PLEKHG4B: variants seen among roughly 807,000 people sequenced by gnomAD.
PLEKHG4B encodes the protein pleckstrin homology and RhoGEF domain containing G4B.
A neutral mutation model predicts 121.3 loss-of-function variants in PLEKHG4B; 111 were observed. The observed-to-expected ratio is 0.92, with a 90% CI of 0.78 to 1.07. PLEKHG4B has a LOEUF of 1.07. Ranked by LOEUF, PLEKHG4B falls within the 50% of genes least tolerant of loss-of-function variation. The pLI is 0.00. For synonymous variants in PLEKHG4B, 738 were observed against 725.0 expected (o/e 1.02, Z -0.29); for missense variants, 1,831 against 1,757.8 (o/e 1.04, Z -0.74).
At position 184,972 on chromosome 5, in the gene PLEKHG4B, G is replaced by A. The variant is rs1733572877; in HGVS notation, c.*2649G>A. The A allele has an allele frequency of 6.6e-6, 1 of 152,250 alleles. No individual in the cohort carries two copies. Among genetic ancestry groups the A allele is most frequent in the Non-Finnish European group, 1.5e-5 (1 of 68,046 alleles). The allele number at this position is 152,250 out of a possible 1,614,324, so 9.4% of individuals were successfully genotyped here. On this transcript the variant is annotated 3_prime_UTR_variant, in exon 20 of 20. Coordinates refer to ENST00000637938, the MANE Select transcript of PLEKHG4B (RefSeq NM_052909.5). Reference sequence around the variant, plus strand: ...TGTGACCACAGCAGCGTGATGGCTGGGAGACGCTGGATGTGATACGTGAAG... The same window carrying A: ...TGTGACCACAGCAGCGTGATGGCTGAGAGACGCTGGATGTGATACGTGAAG...
In PLEKHG4B at chr5:140,700, C is replaced by T. The variant is rs965219483; in HGVS notation, c.1461C>T (p.Gly487=). The change falls in exon 3 of 20, where the codon GGC becomes GGT. Residue 487 remains glycine (G), a synonymous_variant. Coordinates refer to ENST00000637938, the MANE Select transcript of PLEKHG4B (RefSeq NM_052909.5). ...ACTGTGTCCCAGTAGAGGGTCCCGG[C>T]TGCACCAAAGAGGAAGGTAAATGCT... The part of the protein sequence containing the change: ...TPNCVPVEGP[G]CTKEEDVLAS... The T allele has an allele frequency of 1.4e-5, 22 of 1,575,832 alleles. No homozygotes were observed. The highest frequency in any genetic ancestry group is 1.9e-5 in the Non-Finnish European group (22 of 1,161,414).
intron 2 of PLEKHG4B, among the ~76,000 whole-genome samples, chr5:138,459 A>G (rs992199528): frequency 7.2e-5 from 11 of 152,246 alleles, no homozygotes; most frequent in African/African-American, 2.2e-4. Flanking sequence ...GATGAAAATG[A>G]TTAGAAAAAG....
intron 2 of PLEKHG4B, among the ~76,000 whole-genome samples, chr5:117,672 G>GCAAAA (rs1223619007): frequency 6.6e-6 from 1 of 152,124 alleles, no homozygotes; most frequent in Non-Finnish European, 1.5e-5. Context: ...GGCCAACATG[G>GCAAAA]CAAAACCCCA....
At chr5:160,257 G>T (rs929537708) in intron 11 of PLEKHG4B, among the ~76,000 whole-genome samples, 12 of 152,220 alleles carry the variant, frequency 7.9e-5, no homozygotes, top group African/African-American at 2.9e-4. Context: ...TGAAGGCCCT[G>T]GGCTCCTCCC....
At position 163,042 on chromosome 5, in the gene PLEKHG4B, A is replaced by C; in HGVS notation, c.2970A>C (p.Pro990=). 6.4e-7 allele frequency: 1 copy of C among 1,560,564 alleles called. No individual in the cohort carries two copies. The highest frequency in any genetic ancestry group is 1.2e-5 in the South Asian group (1 of 85,134). The change falls in exon 13 of 20, where the codon CCA becomes CCC. Residue 990 remains proline, a synonymous_variant. Coordinates refer to ENST00000637938, the MANE Select transcript of PLEKHG4B (RefSeq NM_052909.5). ...AGGCCATGAGGAGGCACCAGAAGCC[A>C]CCCTCATTCCCCAGCACGGACAGTG... ...AQEAMRRHQK[P]PSFPSTDSGG...
Position 163,456 on chromosome 5 carries a change from T to C in PLEKHG4B, c.3384T>C (p.His1128=). 1 of 1,612,886 alleles carries C rather than the reference T, an allele frequency of 6.2e-7. No individual in the cohort carries two copies. Among genetic ancestry groups the C allele is most frequent in the Non-Finnish European group, 8.5e-7 (1 of 1,180,026 alleles). ...ATEKKLPLWQ[H]ARSPPVTQSR... The stretch of plus-strand genomic sequence containing the variant: ...AGAAGAAGCTCCCGCTGTGGCAGCA[T>C]GCCAGGAGCCCCCCGGTCACTCAGA... Residue 1128 remains histidine, a synonymous_variant, in exon 13 of 20, where the codon CAT becomes CAC. Coordinates refer to ENST00000637938, the MANE Select transcript of PLEKHG4B (RefSeq NM_052909.5).
rs767955014 is a variant in PLEKHG4B at position 143,471 on chromosome 5, C to T, written c.1779C>T (p.Thr593=). 1.7e-5 allele frequency: 28 copies of T among 1,612,890 alleles called. No individual in the cohort carries two copies. In the South Asian group the frequency reaches 2.9e-4, roughly 16 times the overall value. The part of the protein sequence containing the change: ...TREHSSCAEL[T]RLLLYFHSIP... The stretch of plus-strand genomic sequence containing the variant: ...AACACTCGTCCTGTGCTGAGCTGAC[C>T]CGCCTGCTGCTGTACTTCCATAGCA... The change falls in exon 5 of 20, where the codon ACC becomes ACT. Residue 593 remains threonine, a synonymous_variant. Coordinates refer to ENST00000637938, the MANE Select transcript of PLEKHG4B (RefSeq NM_052909.5).
chr5:122,978 C>T (rs1579256895), intron 2 of PLEKHG4B, among the ~76,000 whole-genome samples: 1 of 152,268 alleles, frequency 6.6e-6, no homozygotes, highest in South Asian at 2.1e-4. Flanking sequence ...ACCCTCTCCT[C>T]TCAGCAATTC....
chr5:143,077 C>G lies in PLEKHG4B; in HGVS notation c.1508C>G (p.Thr503Arg). Residue 503 changes from threonine (T) to arginine (R), a missense_variant, in exon 4 of 20, where the codon ACA becomes AGA. Thr to Arg is a moderately conservative substitution (Grantham distance 71, BLOSUM62 -1). Coordinates refer to ENST00000637938, the MANE Select transcript of PLEKHG4B (RefSeq NM_052909.5). ...DVLASSACVS[T>R]DGGSLHCHNP... ...CTTGCATCCTCAGCCTGTGTCAGCACAGACGGCGGCAGCCTCCATTGCCAC... is the reference window on the plus strand; with the variant it reads ...CTTGCATCCTCAGCCTGTGTCAGCAGAGACGGCGGCAGCCTCCATTGCCAC... 6.2e-7 allele frequency: 1 copy of G among 1,613,248 alleles called. No homozygotes were observed. The highest frequency in any genetic ancestry group is 8.5e-7 in the Non-Finnish European group (1 of 1,180,010).
At chr5:174,346 G>C (rs1288577157) in intron 18 of PLEKHG4B, among the ~76,000 whole-genome samples, 1 of 137,754 alleles carries the variant, frequency 7.3e-6, no homozygotes, top group Non-Finnish European at 1.6e-5. Context: ...CGGGGTGGGG[G>C]CTGGAGACTG....
rs932332750 is a variant in PLEKHG4B, at chr5:185,394, G to C, written c.*3071G>C. Reference sequence around the variant, plus strand: ...ATGTCGCTTAAATCCCAACAAAGCAGTATTTTTTTAAAGTACAATCATGCA... The same window carrying C: ...ATGTCGCTTAAATCCCAACAAAGCACTATTTTTTTAAAGTACAATCATGCA... On this transcript the variant is annotated 3_prime_UTR_variant, in exon 20 of 20. Transcript: ENST00000637938. 6.6e-6 allele frequency: 1 copy of C among 152,250 alleles called. No individual in the cohort carries two copies. The highest frequency in any genetic ancestry group is 2.4e-5 in the African/African-American group (1 of 41,450). The allele number at this position is 152,250 out of a possible 1,614,324, so 9.4% of individuals were successfully genotyped here. A position where few individuals can be genotyped will look rare whatever the true frequency, so the allele number is the denominator to read the frequency against.
At chr5:164,770 C>A (rs1243336857) in intron 13 of PLEKHG4B, among the ~76,000 whole-genome samples, 2 of 110,140 alleles carry the variant, frequency 1.8e-5, no homozygotes, top group Non-Finnish European at 3.6e-5. Flanking sequence ...TCTGACGGGG[C>A]GGAGCTCACA....
At chr5:142,185 G>A (rs1735228809) in intron 3 of PLEKHG4B, among the ~76,000 whole-genome samples, 1 of 152,164 alleles carries the variant, frequency 6.6e-6, no homozygotes, top group South Asian at 2.1e-4. Context: ...CAGCTAAAGT[G>A]AAAAGAAGTC....
intron 13 of PLEKHG4B, among the ~76,000 whole-genome samples, chr5:164,914 G>GA (rs1736242937): frequency 1.5e-5 from 1 of 64,676 alleles, no homozygotes; most frequent in South Asian, 5.6e-4. Flanking sequence ...GCTGTGACGG[G>GA]GCGGAGCTCA....
chr5:111,523 T>C (rs1734157482), intron 1 of PLEKHG4B, among the ~76,000 whole-genome samples: 1 of 152,214 alleles, frequency 6.6e-6, no homozygotes, highest in African/African-American at 2.4e-5. Context: ...AGCTCTGGGC[T>C]GCTGACCACA....
chr5:111,153 A>T (rs778625175), intron 1 of PLEKHG4B, among the ~76,000 whole-genome samples: 5 of 152,272 alleles, frequency 3.3e-5, no homozygotes, highest in Non-Finnish European at 7.3e-5. Flanking sequence ...TCAGGCCAGG[A>T]GACAGCACAC....
At chr5:99,268 A>G (rs1733732050) in intron 1 of PLEKHG4B, among the ~76,000 whole-genome samples, 1 of 138,544 alleles carries the variant, frequency 7.2e-6, no homozygotes. Flanking sequence ...CATCTTTTTC[A>G]TTTCTGCAAG....
intron 8 of PLEKHG4B, 61 bp downstream of exon 8, chr5:155,052 T>C: frequency 1.4e-6 from 2 of 1,387,150 alleles, no homozygotes; most frequent in South Asian, 1.2e-5. Context: ...TGTTATGTGG[T>C]TGTTTTTACT....
chr5:188,901 TCA>T lies in PLEKHG4B; in HGVS notation c.*6581_*6582del, dbSNP rs1560965618. The T allele has an allele frequency of 6.6e-6, 1 of 152,256 alleles. No individual in the cohort carries two copies. Among genetic ancestry groups the T allele is most frequent in the Non-Finnish European group, 1.5e-5 (1 of 68,054 alleles). 9.4% of individuals were successfully genotyped at this position (152,256 alleles called of 1,614,324 possible). On this transcript the variant is annotated 3_prime_UTR_variant, in exon 20 of 20. Transcript: ENST00000637938. ...TGGGTGCCAGGCCACGTCTGTGCTG[TCA>T]CAGCTTTGAGGGGCCAGCGGGTCCT...
Sources: gnomAD v4.1 joint callset for allele counts (sites outside exome capture counted in the v4.1 genomes callset) on GRCh38, gnomAD v4.1.1 for gene constraint, MANE v1.5 for transcripts, NCBI Gene and HGNC (gene_info 2026-07-23, HGNC 2026-07-21) for gene names.